TSHZ2: variants seen among roughly 807,000 people sequenced by gnomAD.
TSHZ2 encodes the protein teashirt zinc finger homeobox 2.
In TSHZ2, 21 loss-of-function variants were observed where a neutral mutation model predicts 74.4. The ratio of observed to expected loss-of-function variants is 0.28; its 90% CI spans 0.20 to 0.41. TSHZ2 has a LOEUF of 0.41. Ranked by LOEUF, TSHZ2 falls within the 10% of genes least tolerant of loss-of-function variation. The pLI is 1.00. For missense variants in TSHZ2, 1,244 were observed against 1,293.5 expected (o/e 0.96, Z 0.59); for synonymous variants, 540 against 515.3 (o/e 1.05, Z -0.65).
chr20:53,051,438 A>G (rs1013165576), intron 1 of TSHZ2, among the ~76,000 whole-genome samples: 2 of 144,808 alleles, frequency 1.4e-5, no homozygotes, highest in Non-Finnish European at 3.0e-5. Context: ...TATTCTTATC[A>G]TATTACTCTG....
chr20:53,267,285 G>A (rs564448673), intron 2 of TSHZ2, among the ~76,000 whole-genome samples: 4 of 152,248 alleles, frequency 2.6e-5, no homozygotes, highest in South Asian at 2.1e-4. Flanking sequence ...AGCCTGTGTC[G>A]AGGCTCCGAG....
At chr20:53,196,974 A>C (rs1017982308) in intron 1 of TSHZ2, among the ~76,000 whole-genome samples, 3 of 152,234 alleles carry the variant, frequency 2.0e-5, no homozygotes, top group Non-Finnish European at 4.4e-5. Flanking sequence ...AGAAAATTTC[A>C]AGCTGTGTGT....
At chr20:53,009,728 T>G (rs1023460240) in intron 1 of TSHZ2, among the ~76,000 whole-genome samples, 5 of 152,156 alleles carry the variant, frequency 3.3e-5, no homozygotes, top group Admixed American at 1.3e-4. Flanking sequence ...CTGCCCAAAC[T>G]CAGACTTTTC....
intron 2 of TSHZ2, among the ~76,000 whole-genome samples, chr20:53,277,951 T>C (rs1453656404): frequency 1.3e-5 from 2 of 152,208 alleles, no homozygotes; most frequent in African/African-American, 2.4e-5. Context: ...CCAGGACTGA[T>C]GCAGTAGCCA....
At chr20:53,431,950 T>C (rs1983861473) in intron 2 of TSHZ2, among the ~76,000 whole-genome samples, 1 of 152,236 alleles carries the variant, frequency 6.6e-6, no homozygotes, top group Non-Finnish European at 1.5e-5. Context: ...TGTCACTTCT[T>C]GCATATCATT....
chr20:53,334,550 C>T (rs767919403), intron 2 of TSHZ2, among the ~76,000 whole-genome samples: 45 of 152,070 alleles, frequency 3.0e-4, no homozygotes, highest in Non-Finnish European at 4.3e-4. Context: ...AGGGTCCGAC[C>T]GGCAATTGCA....
intron 1 of TSHZ2, among the ~76,000 whole-genome samples, chr20:53,020,417 A>C (rs562181199): frequency 3.9e-4 from 60 of 152,310 alleles, no homozygotes; most frequent in African/African-American, 1.3e-3. Flanking sequence ...GAAAACAGCC[A>C]TGTAGAGCCT....
At chr20:53,384,735 G>A (rs1981981973) in intron 2 of TSHZ2, among the ~76,000 whole-genome samples, 1 of 152,224 alleles carries the variant, frequency 6.6e-6, no homozygotes, top group Non-Finnish European at 1.5e-5. Flanking sequence ...GGTGGTACCT[G>A]CATTACTTAG....
intron 2 of TSHZ2, among the ~76,000 whole-genome samples, chr20:53,394,348 T>A (rs1305553123): frequency 3.9e-5 from 6 of 152,216 alleles, no homozygotes; most frequent in African/African-American, 1.4e-4. Context: ...TGTTTACATG[T>A]GCTTATCAGT....
intron 1 of TSHZ2, among the ~76,000 whole-genome samples, chr20:53,000,408 G>T (rs1451699805): frequency 6.6e-6 from 1 of 152,140 alleles, no homozygotes; most frequent in Admixed American, 6.5e-5. Context: ...ACAGTCATAT[G>T]AGTGATTGTT....
chr20:53,436,158 A>C (rs1984056951), intron 2 of TSHZ2, among the ~76,000 whole-genome samples: 1 of 152,140 alleles, frequency 6.6e-6, no homozygotes, highest in African/African-American at 2.4e-5. Context: ...TCCACTGTTG[A>C]AGTATTTAAC....
chr20:53,194,719 G>C (rs1988819029), intron 1 of TSHZ2, among the ~76,000 whole-genome samples: 1 of 152,224 alleles, frequency 6.6e-6, no homozygotes, highest in Non-Finnish European at 1.5e-5. Flanking sequence ...ATTAAGGCCT[G>C]GGTAAGGCCT....
intron 1 of TSHZ2, among the ~76,000 whole-genome samples, chr20:52,997,950 A>G (rs919631114): frequency 6.6e-6 from 1 of 152,186 alleles, no homozygotes; most frequent in Non-Finnish European, 1.5e-5. Flanking sequence ...CTAGGAGCTC[A>G]TTAGAAATGC....
chr20:53,453,694 T>C (rs1443854191), intron 2 of TSHZ2, among the ~76,000 whole-genome samples: 1 of 152,208 alleles, frequency 6.6e-6, no homozygotes, highest in Non-Finnish European at 1.5e-5. Context: ...GAATCCTTCA[T>C]ACAAACATTT....
At chr20:53,238,993 T>C (rs1990004465) in intron 1 of TSHZ2, among the ~76,000 whole-genome samples, 1 of 152,034 alleles carries the variant, frequency 6.6e-6, no homozygotes, top group Non-Finnish European at 1.5e-5. Context: ...AGGAAATGGA[T>C]GGTGGTTAGA....
At chr20:53,408,794 T>C (rs1387626775) in intron 2 of TSHZ2, among the ~76,000 whole-genome samples, 1 of 152,216 alleles carries the variant, frequency 6.6e-6, no homozygotes, top group African/African-American at 2.4e-5. Flanking sequence ...TCCAAACGTA[T>C]CTTTCACTCT....
At chr20:53,104,895 G>T (rs73142234) in intron 1 of TSHZ2, among the ~76,000 whole-genome samples, 10,187 of 152,260 alleles carry the variant, frequency 0.067, 430 homozygotes, top group Non-Finnish European at 0.1. Context: ...TGAGGAGAAG[G>T]TGAAGATGGC....
intron 2 of TSHZ2, among the ~76,000 whole-genome samples, chr20:53,469,045 T>TTTTATATATATATATA (rs1415631017): frequency 1.2e-4 from 6 of 49,122 alleles, no homozygotes; most frequent in South Asian, 9.7e-4. Flanking sequence ...AATCGATATT[T>TTTTATATATATATATA]TATATATATA....
chr20:52,996,179 A>G (rs1982180171), intron 1 of TSHZ2, among the ~76,000 whole-genome samples: 1 of 152,118 alleles, frequency 6.6e-6, no homozygotes, highest in Admixed American at 6.5e-5. Context: ...GTAATATAAA[A>G]TGGAAGTGGG....
Sources: gnomAD v4.1 joint callset for allele counts (sites outside exome capture counted in the v4.1 genomes callset) on GRCh38, gnomAD v4.1.1 for gene constraint, MANE v1.5 for transcripts, NCBI Gene and HGNC (gene_info 2026-07-23, HGNC 2026-07-21) for gene names.